NOS1AP: variants seen among roughly 807,000 people sequenced by gnomAD.
The protein encoded by NOS1AP is carboxyl-terminal PDZ ligand of neuronal nitric oxide synthase protein.
In NOS1AP, 21 loss-of-function variants were observed where a neutral mutation model predicts 56.2. The observed-to-expected ratio is 0.37, with a 90% CI of 0.26 to 0.54. The LOEUF (loss-of-function observed/expected upper bound fraction) is 0.54, where lower values mean the gene tolerates loss of function less well. NOS1AP is among the 20% of genes least tolerant of loss of function. The pLI is 0.84. For missense variants in NOS1AP, 522 were observed against 657.8 expected (o/e 0.79, Z 2.26); for synonymous variants, 270 against 274.6 (o/e 0.98, Z 0.17).
rs1260809841 is a variant in NOS1AP, at chr1:162,188,859, C to T, written c.177+34383C>T. Among the ~76,000 whole-genome samples, 1 of 152,180 alleles carries T rather than the reference C, an allele frequency of 6.6e-6. No individual in the cohort carries two copies. Among genetic ancestry groups the T allele is most frequent in the African/African-American group, 2.4e-5 (1 of 41,460 alleles). Reference sequence around the variant, plus strand: ...ACGAGATCAGGAGTTCGAGACCAGCCTGGCCAACCTGGTCAGGAGTATTTT... The same window carrying T: ...ACGAGATCAGGAGTTCGAGACCAGCTTGGCCAACCTGGTCAGGAGTATTTT... On this transcript the variant is annotated intron_variant, in intron 2 of 9. Coordinates refer to ENST00000361897, the MANE Select transcript of NOS1AP (RefSeq NM_014697.3). The surrounding 1 kb of genome is among the most constrained non-coding windows in gnomAD (Gnocchi z 4.0).
At chr1:162,173,621 G>T (rs1040878348) in intron 2 of NOS1AP, among the ~76,000 whole-genome samples, 1 of 152,170 alleles carries the variant, frequency 6.6e-6, no homozygotes, top group African/African-American at 2.4e-5. Flanking sequence ...TACCATCAGA[G>T]TGAACAGGCA....
At chr1:162,208,918 A>C (rs1652253950) in intron 2 of NOS1AP, among the ~76,000 whole-genome samples, 1 of 152,206 alleles carries the variant, frequency 6.6e-6, no homozygotes, top group South Asian at 2.1e-4. Flanking sequence ...CATATTCATC[A>C]TCTTCTATTA....
At position 162,368,656 on chromosome 1, in the gene NOS1AP, T is replaced by C. The variant is rs1647256294; in HGVS notation, c.*1189T>C. 1 of 152,246 alleles carries C rather than the reference T, an allele frequency of 6.6e-6. No homozygotes were observed. The highest frequency in any genetic ancestry group is 2.4e-5 in the African/African-American group (1 of 41,456). The allele number at this position is 152,246 out of a possible 1,614,324, so 9.4% of individuals were successfully genotyped here. Reference sequence around the variant, plus strand: ...GTCTTATCTTTTATGATCTAGGCTTTGCCTAGGGATCACTACTCCTTAACG... The same window carrying C: ...GTCTTATCTTTTATGATCTAGGCTTCGCCTAGGGATCACTACTCCTTAACG... On this transcript the variant is annotated 3_prime_UTR_variant, in exon 10 of 10. Transcript: ENST00000361897.
chr1:162,153,809 G>A (rs1485895264), intron 1 of NOS1AP, among the ~76,000 whole-genome samples: 1 of 152,132 alleles, frequency 6.6e-6, no homozygotes, highest in Non-Finnish European at 1.5e-5. Context: ...ATAGCTTACA[G>A]TAAGAAAGTA....
chr1:162,221,829 T>C (rs1361017989), intron 2 of NOS1AP, among the ~76,000 whole-genome samples: 1 of 152,238 alleles, frequency 6.6e-6, no homozygotes, highest in Non-Finnish European at 1.5e-5. Context: ...ACTATATACA[T>C]TTCTATAGCT....
At chr1:162,290,374 G>A (rs1480396526) in intron 3 of NOS1AP, among the ~76,000 whole-genome samples, 2 of 152,182 alleles carry the variant, frequency 1.3e-5, no homozygotes, top group Non-Finnish European at 1.5e-5. Flanking sequence ...ACAGCAATCA[G>A]CCTTTTTGTC....
At position 162,154,303 on chromosome 1, in the gene NOS1AP, G is replaced by C. The variant is rs1313249355; in HGVS notation, c.106-102G>C. The C allele has an allele frequency of 3.1e-6, 3 of 972,538 alleles. No homozygotes were observed. The East Asian group carries it at 7.7e-5, about 25-fold the overall frequency. 60.2% of individuals were successfully genotyped at this position (972,538 alleles called of 1,614,324 possible). A position where few individuals can be genotyped will look rare whatever the true frequency, so the allele number is the denominator to read the frequency against. ...CTGCTGGCTCTTAATTTCTTCATCTGTAAAATGGGCAGATGAGCTAGTCCT... is the reference window on the plus strand; with the variant it reads ...CTGCTGGCTCTTAATTTCTTCATCTCTAAAATGGGCAGATGAGCTAGTCCT... On this transcript the variant is annotated intron_variant, in intron 1 of 9. Transcript: ENST00000361897.
Position 162,367,012 on chromosome 1 carries a change from C to T in NOS1AP, c.1106-40C>T, listed in dbSNP as rs774013809. 1.2e-6 allele frequency: 2 copies of T among 1,612,620 alleles called. No homozygotes were observed. The highest frequency in any genetic ancestry group is 1.1e-5 in the South Asian group (1 of 91,044). On this transcript the variant is annotated intron_variant, in intron 9 of 9. Transcript: ENST00000361897. This position sits in a 1 kb window ranked among gnomAD's most constrained non-coding sequence, Gnocchi z 6.5. ...CGGGCATCCCAAATCAACAACCTTG[C>T]CTAACGCTGCCCCTCTGCTACCTCT...
rs1650313771 is a variant in NOS1AP at position 162,163,212 on chromosome 1, G to A, written c.177+8736G>A. ...TTATTTATTCATTTAAACACGGGGT[G>A]TTTGCCAATTTTTTTTTCTTTAAAA... is the stretch of plus-strand genomic sequence containing the variant. On this transcript the variant is annotated intron_variant, in intron 2 of 9. Coordinates refer to ENST00000361897, the MANE Select transcript of NOS1AP (RefSeq NM_014697.3). Among the ~76,000 whole-genome samples, 5 of 152,120 alleles carry A rather than the reference G, an allele frequency of 3.3e-5. No homozygotes were observed. In the South Asian group the frequency reaches 1.0e-3, roughly 32 times the overall value.
intron 2 of NOS1AP, among the ~76,000 whole-genome samples, chr1:162,253,991 T>C (rs537914946): frequency 6.6e-6 from 1 of 152,318 alleles, no homozygotes; most frequent in South Asian, 2.1e-4. Flanking sequence ...AAAGGGAAGA[T>C]AGGATTCCTG....
At chr1:162,168,562 C>T (rs1571089868) in intron 2 of NOS1AP, among the ~76,000 whole-genome samples, 1 of 152,222 alleles carries the variant, frequency 6.6e-6, no homozygotes, top group African/African-American at 2.4e-5. Flanking sequence ...TGCCTGCTCA[C>T]TTGGAAGGGC....
At chr1:162,196,363 T>C (rs12093324) in intron 2 of NOS1AP, among the ~76,000 whole-genome samples, 1 of 152,158 alleles carries the variant, frequency 6.6e-6, no homozygotes, top group Admixed American at 6.5e-5. Flanking sequence ...TACCACGCTC[T>C]TTCTGTATTA....
At chr1:162,207,533 C>G (rs1295036335) in intron 2 of NOS1AP, among the ~76,000 whole-genome samples, 1 of 152,138 alleles carries the variant, frequency 6.6e-6, no homozygotes, top group Non-Finnish European at 1.5e-5. Flanking sequence ...GTGGTAATAC[C>G]AGGTACTTTA....
At chr1:162,328,591 G>A (rs912510414) in intron 4 of NOS1AP, among the ~76,000 whole-genome samples, 1 of 152,160 alleles carries the variant, frequency 6.6e-6, no homozygotes, top group Non-Finnish European at 1.5e-5. Context: ...GTGAGGTACA[G>A]CACAATGATC....
intron 2 of NOS1AP, among the ~76,000 whole-genome samples, chr1:162,272,425 C>T (rs542432842): frequency 4.6e-5 from 7 of 152,250 alleles, no homozygotes; most frequent in African/African-American, 1.4e-4. Flanking sequence ...TTTCCTGTGT[C>T]CATGGAGGTG....
intron 8 of NOS1AP, chr1:162,364,627 T>G (rs151335493): frequency 0.018 from 17,855 of 985,448 alleles, 217 homozygotes; most frequent in Non-Finnish European, 0.02. Context: ...TGCCACAAAT[T>G]GTTCACCTCA....
chr1:162,190,368 T>A (rs4585960), intron 2 of NOS1AP, among the ~76,000 whole-genome samples: 73,565 of 151,300 alleles, frequency 0.49, 20,149 homozygotes, highest in East Asian at 0.75. Flanking sequence ...AATTTTATTT[T>A]ATTTTATTAT....
Position 162,290,129 on chromosome 1 carries a change from G to A in NOS1AP, c.270+2693G>A, listed in dbSNP as rs761256137. ...ACCTCGTGACTCACTTTGAAACTAC[G>A]TCCTGGGTAATCTCCAGTGTGGCTT... On this transcript the variant is annotated intron_variant, in intron 3 of 9. Transcript: ENST00000361897. 2.6e-5 allele frequency among the ~76,000 whole-genome samples: 4 copies of A among 152,092 alleles called. 1 individual carries two copies. The highest frequency in any genetic ancestry group is 6.3e-3 in the Middle Eastern group (2 of 316).
chr1:162,222,727 G>A (rs1221282729), intron 2 of NOS1AP, among the ~76,000 whole-genome samples: 1 of 151,998 alleles, frequency 6.6e-6, no homozygotes, highest in Non-Finnish European at 1.5e-5. Flanking sequence ...ACCTTTTTGG[G>A]GACTTATGTT....
Sources: gnomAD v4.1 joint callset for allele counts (sites outside exome capture counted in the v4.1 genomes callset) on GRCh38, gnomAD v4.1.1 for gene constraint, Gnocchi (gnomAD v3.1) non-coding constraint, MANE v1.5 for transcripts, NCBI Gene and HGNC (gene_info 2026-07-23, HGNC 2026-07-21) for gene names.